The following MOB3C variants were observed in gnomAD, a reference collection of about 807,000 sequenced individuals.
The protein encoded by MOB3C is MOB1, Mps One Binder kinase activator-like 2C.
In MOB3C, 17 loss-of-function variants were observed where a neutral mutation model predicts 19.8. That is an observed-to-expected ratio of 0.86 (90% CI 0.59 to 1.29). MOB3C has a LOEUF of 1.29. Ranked by LOEUF, MOB3C falls within the 50% of genes most tolerant of loss-of-function variation. The probability of loss-of-function intolerance (pLI) is 0.00; values close to 1 mark genes in which losing one functional copy is unlikely to be tolerated. For missense variants in MOB3C, 291 were observed against 301.9 expected (o/e 0.96, Z 0.27); for synonymous variants, 101 against 119.2 (o/e 0.85, Z 0.99).
chr1:46,610,043 G>A lies in MOB3C; in HGVS notation c.580C>T (p.Arg194Cys), dbSNP rs375774135. 125 of 1,614,100 alleles carry A rather than the reference G, an allele frequency of 7.7e-5. 1 individual carries two copies. The highest frequency in any genetic ancestry group is 5.6e-4 in the South Asian group (51 of 91,092). ...TCYKHFYYFI[R>C]EFSLVDQREL... ...CGCTGGTCCACCAGACTGAACTCGC[G>A]GATGAAGTAGTAGAAGTGCTTGTAG... is the stretch of plus-strand genomic sequence containing the variant. The change falls in exon 3 of 4, where the codon CGC becomes TGC. Residue 194 changes from arginine to cysteine, a missense_variant. Arg to Cys is a radical substitution (Grantham distance 180). Coordinates refer to ENST00000319928, the MANE Select transcript of MOB3C (RefSeq NM_201403.3).
At chr1:46,614,906 G>A in intron 1 of MOB3C, 1 of 1,287,812 alleles carries the variant, frequency 7.8e-7, no homozygotes, top group Non-Finnish European at 1.1e-6. Flanking sequence ...CTGGTAAAAT[G>A]AGAGCAGCTT....
At chr1:46,613,639 G>A in intron 1 of MOB3C, 1 of 496,500 alleles carries the variant, frequency 2.0e-6, no homozygotes, top group Non-Finnish European at 3.6e-6. Context: ...GCTCTAAACA[G>A]GTGCCCCTCA....
intron 1 of MOB3C, chr1:46,614,305 A>G (rs1441026062): frequency 6.6e-6 from 1 of 152,354 alleles, no homozygotes; most frequent in Non-Finnish European, 1.5e-5. Flanking sequence ...CAGAGGCAGG[A>G]GTCCTGGGTT....
At chr1:46,613,878 C>G (rs1675520258) in intron 1 of MOB3C, 1 of 157,422 alleles carries the variant, frequency 6.4e-6, no homozygotes, top group African/African-American at 2.4e-5. Flanking sequence ...CAGGGAGCAG[C>G]AGGGAACTTT....
rs531965043 is a variant in MOB3C at position 46,611,618 on chromosome 1, G to C, written c.418+1286C>G. Among the ~76,000 whole-genome samples, 22 of 152,236 alleles carry C rather than the reference G, an allele frequency of 1.4e-4. No homozygotes were observed. The highest frequency in any genetic ancestry group is 1.4e-3 in the Admixed American group (22 of 15,296). On this transcript the variant is annotated intron_variant, in intron 2 of 3. Transcript: ENST00000319928. This position sits in a 1 kb window ranked among gnomAD's most constrained non-coding sequence, Gnocchi z 4.1. ...CCTCTTCCTCACCATTCCCAGGTGGGGTCGAGCCTTCCCTCCCTCTGAGCC... is the reference window on the plus strand; with the variant it reads ...CCTCTTCCTCACCATTCCCAGGTGGCGTCGAGCCTTCCCTCCCTCTGAGCC...
Position 46,615,037 on chromosome 1 carries a change from G to C in MOB3C, c.-50-1666C>G. ...CTCACCCAAAGAAGTCCCCAGGGTG[G>C]GACCCCAGTTTCCAGAGCAAAGAGA... On this transcript the variant is annotated intron_variant, in intron 1 of 3. Coordinates refer to ENST00000319928, the MANE Select transcript of MOB3C (RefSeq NM_201403.3). 1.9e-6 allele frequency: 3 copies of C among 1,613,154 alleles called. No individual in the cohort carries two copies. The African/African-American group carries it at 4.0e-5, about 22-fold the overall frequency.
chr1:46,609,925 C>T (rs1675433532), intron 3 of MOB3C, 77 bp downstream of exon 3: 1 of 1,553,646 alleles, frequency 6.4e-7, no homozygotes. Context: ...GTTGGAGTTA[C>T]TTAAAGCAGG....
At chr1:46,610,581 C>T (rs1049267262) in intron 2 of MOB3C, among the ~76,000 whole-genome samples, 1 of 152,146 alleles carries the variant, frequency 6.6e-6, no homozygotes, top group South Asian at 2.1e-4. Flanking sequence ...CAGGGTTTCT[C>T]CATGTTGGTC....
rs371197997 is a variant in MOB3C at position 46,613,556 on chromosome 1, C to T, written c.-50-185G>A. The stretch of plus-strand genomic sequence containing the variant: ...CCCTCTTTCCAGGCTATGTTAGTCC[C>T]CCTTGCTAAGCCCCCACAGTCCTCC... On this transcript the variant is annotated intron_variant, in intron 1 of 3. Coordinates refer to ENST00000319928, the MANE Select transcript of MOB3C (RefSeq NM_201403.3). 6 of 613,084 alleles carry T rather than the reference C, an allele frequency of 9.8e-6. No individual in the cohort carries two copies. The African/African-American group carries it at 1.1e-4, about 11-fold the overall frequency. 38.0% of individuals were successfully genotyped at this position (613,084 alleles called of 1,614,324 possible).
chr1:46,610,290 G>T, intron 2 of MOB3C, 86 bp from the exon 3 acceptor site: 1 of 1,294,926 alleles, frequency 7.7e-7, no homozygotes, highest in Non-Finnish European at 1.1e-6. Flanking sequence ...CAGGCAACCA[G>T]GATGGCTTTT....
chr1:46,614,700 C>G (rs1424378953), intron 1 of MOB3C: 1 of 407,642 alleles, frequency 2.5e-6, no homozygotes, highest in South Asian at 4.8e-5. Flanking sequence ...ACTGTCCTTT[C>G]TCACATCTCT....
intron 3 of MOB3C, 24 bp from the exon 4 acceptor site, chr1:46,609,708 G>A: frequency 6.2e-7 from 1 of 1,613,894 alleles, no homozygotes; most frequent in African/African-American, 1.3e-5. Flanking sequence ...AGGTAGGGAG[G>A]GGTCAATTAG....
chr1:46,613,343 C>A lies in MOB3C; in HGVS notation c.-22G>T, dbSNP rs1675507135. ...CCATGGCCAGCTGGGCCTGGGGCTG[C>A]TGTCCAGGGGCTCGGACCTGAGGAT... On this transcript the variant is annotated 5_prime_UTR_variant, in exon 2 of 4. Transcript: ENST00000319928. 1.2e-6 allele frequency: 2 copies of A among 1,600,388 alleles called. No individual in the cohort carries two copies. Among genetic ancestry groups the A allele is most frequent in the South Asian group, 2.2e-5 (2 of 90,986 alleles).
In MOB3C at chr1:46,613,089, A is replaced by C. The variant is rs1404763879; in HGVS notation, c.233T>G (p.Met78Arg). The change falls in exon 2 of 4, where the codon ATG (methionine) becomes AGG (arginine). Residue 78 changes from methionine (M) to arginine (R), a missense_variant. Coordinates refer to ENST00000319928, the MANE Select transcript of MOB3C (RefSeq NM_201403.3). ...GCTGGTCTCACTGCAGCGCTCCGCC[A>C]TAGTGCCGTAGATGAGGTTGATGCG... The part of the protein sequence containing the change: ...FNRINLIYGT[M>R]AERCSETSCP... 4.3e-6 allele frequency: 7 copies of C among 1,614,210 alleles called. No homozygotes were observed. In the South Asian group the frequency reaches 7.7e-5, roughly 18 times the overall value.
rs576489578 is a variant in MOB3C at position 46,612,974 on chromosome 1, G to C, written c.348C>G (p.Arg116=). ...YRRPAKLSAP[R]YMALLMDWIE... is the part of the protein sequence containing the mutation. ...TCCAGTCCATGAGCAATGCCATATAGCGCGGCGCAGAGAGCTTGGCGGGCC... is the reference window on the plus strand; with the variant it reads ...TCCAGTCCATGAGCAATGCCATATACCGCGGCGCAGAGAGCTTGGCGGGCC... The change falls in exon 2 of 4, where the codon CGC becomes CGG. Residue 116 remains arginine, a synonymous_variant. Coordinates refer to ENST00000319928, the MANE Select transcript of MOB3C (RefSeq NM_201403.3). 6.2e-7 allele frequency: 1 copy of C among 1,609,698 alleles called. No homozygotes were observed. The highest frequency in any genetic ancestry group is 1.1e-5 in the South Asian group (1 of 90,548).
Position 46,611,403 on chromosome 1 carries a change from C to T in MOB3C, c.419-1199G>A, listed in dbSNP as rs575095554. On this transcript the variant is annotated intron_variant, in intron 2 of 3. Transcript: ENST00000319928. This position sits in a 1 kb window ranked among gnomAD's most constrained non-coding sequence, Gnocchi z 4.1. ...ATATTGGGACCCATGAAAAAGGCCC[C>T]GCTTCTGCATAGTCCCCCATGCTCA... Among the ~76,000 whole-genome samples, 24 of 152,304 alleles carry T rather than the reference C, an allele frequency of 1.6e-4. No homozygotes were observed. Among genetic ancestry groups the T allele is most frequent in the African/African-American group, 3.1e-4 (13 of 41,552 alleles).
At position 46,613,313 on chromosome 1, in the gene MOB3C, C is replaced by T; in HGVS notation, c.9G>A (p.Leu3=). The T allele has an allele frequency of 6.2e-7, 1 of 1,604,878 alleles. No homozygotes were observed. The highest frequency in any genetic ancestry group is 8.5e-7 in the Non-Finnish European group (1 of 1,179,974). The change falls in exon 2 of 4, where the codon CTG becomes CTA. Residue 3 remains leucine (L), a synonymous_variant. Coordinates refer to ENST00000319928, the MANE Select transcript of MOB3C (RefSeq NM_201403.3). ...CCTTGGCGAACACCTGCTTCAGGCA[C>T]AGGGCCATGGCCAGCTGGGCCTGGG... MA[L]CLKQVFAKDK... is the part of the protein sequence containing the mutation.
At position 46,613,294 on chromosome 1, in the gene MOB3C, C is replaced by G. The variant is rs201224467; in HGVS notation, c.28G>C (p.Ala10Pro). The change falls in exon 2 of 4, where the codon GCC (alanine) becomes CCC (proline). Residue 10 changes from alanine (A) to proline (P), a missense_variant. By Grantham distance (27) the Ala-to-Pro change is conservative. Coordinates refer to ENST00000319928, the MANE Select transcript of MOB3C (RefSeq NM_201403.3). MALCLKQVF[A>P]KDKTFRPRKR... ...CGCGGCCGGAACGTCTTGTCCTTGGCGAACACCTGCTTCAGGCACAGGGCC... is the reference window on the plus strand; with the variant it reads ...CGCGGCCGGAACGTCTTGTCCTTGGGGAACACCTGCTTCAGGCACAGGGCC... The G allele has an allele frequency of 1.5e-4, 245 of 1,607,990 alleles. No homozygotes were observed. The highest frequency in any genetic ancestry group is 2.0e-4 in the Non-Finnish European group (231 of 1,180,016).
chr1:46,609,973 T>G (rs765480458), intron 3 of MOB3C, 29 bp downstream of exon 3: 1 of 1,612,520 alleles, frequency 6.2e-7, no homozygotes, highest in Admixed American at 1.7e-5. Flanking sequence ...CTAGCCTTGG[T>G]AGGGGAGGGT....
Sources: allele counts gnomAD v4.1 joint callset (sites outside exome capture counted in the v4.1 genomes callset), GRCh38; gene constraint gnomAD v4.1.1; non-coding constraint Gnocchi (gnomAD v3.1); transcripts MANE v1.5; gene names NCBI Gene and HGNC (gene_info 2026-07-23, HGNC 2026-07-21).